The following NEK7 variants were observed in gnomAD, a reference collection of about 807,000 sequenced individuals.
NEK7 encodes the protein NIMA related kinase 7.
NEK7 carries 18 observed loss-of-function variants against 44.6 expected under a neutral mutation model. That is an observed-to-expected ratio of 0.40 (90% CI 0.28 to 0.60). The LOEUF (loss-of-function observed/expected upper bound fraction) is 0.60, where lower values mean the gene tolerates loss of function less well. Among genes scored for constraint, NEK7 ranks in the 20% least tolerant of loss-of-function variants. NEK7 has a pLI of 0.38. For missense variants in NEK7, 256 were observed against 366.5 expected (o/e 0.70, Z 2.46); for synonymous variants, 130 against 121.1 (o/e 1.07, Z -0.48).
intron 1 of NEK7, among the ~76,000 whole-genome samples, chr1:198,180,369 CTGT>C (rs966393411): frequency 4.9e-4 from 74 of 151,876 alleles, no homozygotes; most frequent in African/African-American, 1.7e-3. Context: ...GTGCTGAGAC[CTGT>C]TGTTTTAACT....
chr1:198,257,854 A>G (rs1653325740), intron 3 of NEK7, among the ~76,000 whole-genome samples: 1 of 152,232 alleles, frequency 6.6e-6, no homozygotes, highest in Non-Finnish European at 1.5e-5. Context: ...TTTTGGGGTT[A>G]AACTACTATA....
chr1:198,308,293 A>C (rs1340417265), intron 9 of NEK7, among the ~76,000 whole-genome samples: 2 of 152,170 alleles, frequency 1.3e-5, no homozygotes, highest in Non-Finnish European at 2.9e-5. Context: ...GATCTGGTAG[A>C]GTCACAAAAG....
intron 3 of NEK7, chr1:198,256,476 T>A (rs1571580102): frequency 6.3e-7 from 1 of 1,589,734 alleles, no homozygotes; most frequent in East Asian, 2.3e-5. Context: ...CATGGTTCAT[T>A]TGCAAAAAAA....
chr1:198,260,835 A>G (rs1653437736), intron 3 of NEK7, among the ~76,000 whole-genome samples: 1 of 152,128 alleles, frequency 6.6e-6, no homozygotes, highest in African/African-American at 2.4e-5. Context: ...TATTTTCACT[A>G]TGCAAAAAGC....
At chr1:198,228,606 A>C (rs1377611925) in intron 1 of NEK7, among the ~76,000 whole-genome samples, 1 of 152,080 alleles carries the variant, frequency 6.6e-6, no homozygotes, top group Non-Finnish European at 1.5e-5. Context: ...TTGGATTCCT[A>C]GGTATTTTAT....
In NEK7 at chr1:198,208,010, T is replaced by C. The variant is rs1665649341; in HGVS notation, c.-28-24543T>C. Reference sequence around the variant, plus strand: ...TGTTGGTTGTCATGTATTTCAATTTTAGATACATTTCTAACATGGCAATCA... The same window carrying C: ...TGTTGGTTGTCATGTATTTCAATTTCAGATACATTTCTAACATGGCAATCA... On this transcript the variant is annotated intron_variant, in intron 1 of 9. Transcript: ENST00000367385. 2.0e-5 allele frequency among the ~76,000 whole-genome samples: 3 copies of C among 152,224 alleles called. No homozygotes were observed. The South Asian group carries it at 6.2e-4, about 32-fold the overall frequency.
intron 1 of NEK7, among the ~76,000 whole-genome samples, chr1:198,167,204 CTA>C (rs1352231736): frequency 6.6e-6 from 1 of 152,156 alleles, no homozygotes; most frequent in African/African-American, 2.4e-5. Flanking sequence ...CAGGTTCTTC[CTA>C]TGTGTTTTCG....
At position 198,201,194 on chromosome 1, in the gene NEK7, T is replaced by TAATG. The variant is rs1665420782; in HGVS notation, c.-28-31357_-28-31354dup. ...ACGAGGGGATAACAGAAGCATAAAT[T>TAATG]AATGAGTCCCACCAGAATTTACTCC... On this transcript the variant is annotated intron_variant, in intron 1 of 9. Coordinates refer to ENST00000367385, the MANE Select transcript of NEK7 (RefSeq NM_133494.3). 1.3e-5 allele frequency among the ~76,000 whole-genome samples: 2 copies of TAATG among 152,138 alleles called. 1 individual carries two copies. Among genetic ancestry groups the TAATG allele is most frequent in the South Asian group, 4.2e-4 (2 of 4,816 alleles).
intron 5 of NEK7, among the ~76,000 whole-genome samples, chr1:198,272,161 G>T (rs192870404): frequency 2.6e-5 from 4 of 151,634 alleles, no homozygotes; most frequent in African/African-American, 7.2e-5. Flanking sequence ...TTAGGAAATT[G>T]AACACTTTAT....
chr1:198,217,668 G>A (rs1665961086), intron 1 of NEK7, among the ~76,000 whole-genome samples: 1 of 151,876 alleles, frequency 6.6e-6, no homozygotes, highest in Non-Finnish European at 1.5e-5. Flanking sequence ...CTGATTATAT[G>A]ATCTTATACC....
At chr1:198,235,924 T>C (rs1426044003) in intron 2 of NEK7, among the ~76,000 whole-genome samples, 1 of 152,190 alleles carries the variant, frequency 6.6e-6, no homozygotes, top group Admixed American at 6.5e-5. Flanking sequence ...GTGGAAAGTA[T>C]GAAAATCTTA....
intron 1 of NEK7, among the ~76,000 whole-genome samples, chr1:198,203,119 T>C (rs1665484618): frequency 6.6e-6 from 1 of 152,190 alleles, no homozygotes; most frequent in South Asian, 2.1e-4. Context: ...TAAAGTCTGT[T>C]AATCTTTGTG....
chr1:198,301,321 C>T (rs999829576), intron 9 of NEK7, among the ~76,000 whole-genome samples: 1 of 152,142 alleles, frequency 6.6e-6, no homozygotes, highest in African/African-American at 2.4e-5. Flanking sequence ...GAGGCCGAGG[C>T]GGGCGGATCA....
intron 7 of NEK7, among the ~76,000 whole-genome samples, chr1:198,283,594 T>C (rs1030843392): frequency 6.6e-6 from 1 of 152,118 alleles, no homozygotes; most frequent in Non-Finnish European, 1.5e-5. Context: ...GGGAGACTAA[T>C]TGTAGGATAT....
rs550800389 is a variant in NEK7, at chr1:198,208,908, C to G, written c.-28-23645C>G. Among the ~76,000 whole-genome samples the G allele has an allele frequency of 3.3e-5, 5 of 152,144 alleles. No homozygotes were observed. The South Asian group carries it at 1.0e-3, about 32-fold the overall frequency. ...GCATTTCCACAGTTTGCATAACAGT[C>G]AGTGGAAAAAACATGCTTAGATGTT... On this transcript the variant is annotated intron_variant, in intron 1 of 9. Coordinates refer to ENST00000367385, the MANE Select transcript of NEK7 (RefSeq NM_133494.3).
chr1:198,157,965 G>A (rs1477093270), intron 1 of NEK7, among the ~76,000 whole-genome samples: 1 of 152,190 alleles, frequency 6.6e-6, no homozygotes, highest in African/African-American at 2.4e-5. Context: ...AAGGAAAACA[G>A]AGAAAAGTGA....
intron 9 of NEK7, among the ~76,000 whole-genome samples, chr1:198,318,841 T>G (rs1449127647): frequency 6.6e-6 from 1 of 152,102 alleles, no homozygotes; most frequent in Non-Finnish European, 1.5e-5. Flanking sequence ...TTAAATACTG[T>G]GTACACAATT....
intron 1 of NEK7, among the ~76,000 whole-genome samples, chr1:198,210,625 AT>A (rs981571719): frequency 6.8e-6 from 1 of 147,856 alleles, no homozygotes; most frequent in African/African-American, 2.5e-5. Context: ...TCTTGATATC[AT>A]TTTTTCTAGA....
intron 9 of NEK7, among the ~76,000 whole-genome samples, chr1:198,305,752 C>G (rs968170401): frequency 1.3e-5 from 2 of 151,952 alleles, no homozygotes; most frequent in African/African-American, 4.8e-5. Flanking sequence ...TTGCAGAACT[C>G]GAGAGAAAAT....
Sources: gnomAD v4.1 joint callset for allele counts (sites outside exome capture counted in the v4.1 genomes callset) on GRCh38, gnomAD v4.1.1 for gene constraint, MANE v1.5 for transcripts, NCBI Gene and HGNC (gene_info 2026-07-23, HGNC 2026-07-21) for gene names.